PHC2: variants seen among roughly 807,000 people sequenced by gnomAD.
PHC2 encodes polyhomeotic homolog 2, also known as polyhomeotic-like protein 2.
Under a neutral mutation model 87.4 loss-of-function variants are expected in PHC2, and 29 were observed. The ratio of observed to expected loss-of-function variants is 0.33; its 90% confidence interval spans 0.25 to 0.45. The LOEUF (loss-of-function observed/expected upper bound fraction) is 0.45, where lower values mean the gene tolerates loss of function less well. PHC2 is among the 20% of genes least tolerant of loss of function. The probability of loss-of-function intolerance (pLI) is 1.00; values close to 1 mark genes in which losing one functional copy is unlikely to be tolerated. For missense variants in PHC2, 857 were observed against 1,136.7 expected (o/e 0.75, Z 3.54); for synonymous variants, 438 against 461.7 (o/e 0.95, Z 0.66).
chr1:33,411,940 T>C (rs1452676367), intron 1 of PHC2, among the ~76,000 whole-genome samples: 2 of 152,146 alleles, frequency 1.3e-5, no homozygotes, highest in African/African-American at 4.8e-5. Flanking sequence ...CAAACCAGGA[T>C]AGAAGAAAAC....
chr1:33,380,492 A>G (rs1648441946), intron 1 of PHC2, among the ~76,000 whole-genome samples: 1 of 152,234 alleles, frequency 6.6e-6, no homozygotes, highest in African/African-American at 2.4e-5. Context: ...TTCATGTTGT[A>G]GCATGTATGA....
chr1:33,349,619 TGGCCGGGCGG>T lies in PHC2; in HGVS notation c.1558+4772_1558+4781del. On this transcript the variant is annotated intron_variant, in intron 9 of 14. Coordinates refer to ENST00000683057, the MANE Select transcript of PHC2 (RefSeq NM_001385109.1). The surrounding 1 kb of genome is among the most constrained non-coding windows in gnomAD (Gnocchi z 4.2). ...GACCTGTCCAGGGCCCGGCTGGGCC[TGGCCGGGCGG>T]GGCCTACGCAGCCCCTCGGCCGGGC... is the stretch of plus-strand genomic sequence containing the variant. 1.0e-6 allele frequency: 1 copy of T among 983,370 alleles called. No homozygotes were observed. The highest frequency in any genetic ancestry group is 1.8e-5 in the African/African-American group (1 of 57,002). The allele number at this position is 983,370 out of a possible 1,614,324, so 60.9% of individuals were successfully genotyped here.
At chr1:33,384,513 T>G (rs973054138) in intron 1 of PHC2, among the ~76,000 whole-genome samples, 8 of 152,190 alleles carry the variant, frequency 5.3e-5, no homozygotes, top group Non-Finnish European at 1.0e-4. Context: ...CAGCACTCTG[T>G]TTAGGGATCT....
rs191120076 is a variant in PHC2, at chr1:33,368,826, C to T, written c.577-204G>A. On this transcript the variant is annotated intron_variant, in intron 5 of 14. Transcript: ENST00000683057. This position sits in a 1 kb window ranked among gnomAD's most constrained non-coding sequence, Gnocchi z 6.6. The stretch of plus-strand genomic sequence containing the variant: ...AAAGGAAGGGGGAGTCCAAGGGGAG[C>T]GCCTGCCTTTCTCTAGAGGCTCGTT... Among the ~76,000 whole-genome samples, 13 of 152,228 alleles carry T rather than the reference C, an allele frequency of 8.5e-5. No individual in the cohort carries two copies. Among genetic ancestry groups the T allele is most frequent in the African/African-American group, 3.1e-4 (13 of 41,538 alleles).
At chr1:33,360,155 C>T (rs1647167684) in intron 7 of PHC2, among the ~76,000 whole-genome samples, 1 of 152,212 alleles carries the variant, frequency 6.6e-6, no homozygotes, top group African/African-American at 2.4e-5. Context: ...GGAAGTAGAG[C>T]TAAGGGAAGT....
At chr1:33,416,290 A>G (rs1297864248) in intron 1 of PHC2, among the ~76,000 whole-genome samples, 1 of 152,070 alleles carries the variant, frequency 6.6e-6, no homozygotes. Flanking sequence ...ATTTCTGGCC[A>G]GGAGCGGTGG....
At position 33,371,639 on chromosome 1, in the gene PHC2, G is replaced by A. The variant is rs184303985; in HGVS notation, c.334-545C>T. ...TCTCATCCTTCAAGTGTCAGCTCCAGTGTTACTCCAACAGACAGGCTTTTC... is the reference window on the plus strand; with the variant it reads ...TCTCATCCTTCAAGTGTCAGCTCCAATGTTACTCCAACAGACAGGCTTTTC... On this transcript the variant is annotated intron_variant, in intron 3 of 14. Transcript: ENST00000683057. 2.0e-5 allele frequency among the ~76,000 whole-genome samples: 3 copies of A among 152,366 alleles called. No homozygotes were observed. In the East Asian group the frequency reaches 5.8e-4, roughly 29 times the overall value.
intron 5 of PHC2, 53 bp downstream of exon 5, chr1:33,370,368 T>C: frequency 6.4e-7 from 1 of 1,556,614 alleles, no homozygotes; most frequent in South Asian, 1.2e-5. Flanking sequence ...CCAGCTTCTC[T>C]GCCTCTGTCC....
chr1:33,367,462 T>G, intron 6 of PHC2, 34 bp from the exon 7 acceptor site: 1 of 1,498,708 alleles, frequency 6.7e-7, no homozygotes, highest in Non-Finnish European at 9.0e-7. Context: ...GTCCAGAGAA[T>G]GTGGCAGGAG....
intron 1 of PHC2, among the ~76,000 whole-genome samples, chr1:33,425,552 T>C (rs1224213391): frequency 2.0e-5 from 3 of 152,184 alleles, no homozygotes; most frequent in Non-Finnish European, 4.4e-5. Flanking sequence ...GATGCTGAAG[T>C]ACGAAGAAAT....
At chr1:33,365,412 T>G (rs1196423992) in intron 7 of PHC2, among the ~76,000 whole-genome samples, 1 of 152,084 alleles carries the variant, frequency 6.6e-6, no homozygotes, top group Non-Finnish European at 1.5e-5. Flanking sequence ...GGCTTAGATT[T>G]AGAGAGAGGT....
At chr1:33,424,097 C>CAAAAAAAAAAAAACAAAA (rs1650568243) in intron 1 of PHC2, among the ~76,000 whole-genome samples, 1 of 108,736 alleles carries the variant, frequency 9.2e-6, no homozygotes, top group Admixed American at 9.6e-5. Flanking sequence ...GACTCCGTCT[C>CAAAAAAAAAAAAACAAAA]AAAAAAAAAA....
chr1:33,356,273 A>G (rs4653084), intron 7 of PHC2, among the ~76,000 whole-genome samples: 29,619 of 93,914 alleles, frequency 0.32, 3,944 homozygotes, highest in Middle Eastern at 0.4. Context: ...ATATATATAT[A>G]TATGTATATA....
intron 1 of PHC2, among the ~76,000 whole-genome samples, chr1:33,391,742 G>A (rs1433756428): frequency 6.6e-6 from 1 of 152,144 alleles, no homozygotes; most frequent in Non-Finnish European, 1.5e-5. Flanking sequence ...AGGCTGAGCT[G>A]AGGAGACAGA....
At chr1:33,422,523 C>A (rs535831119) in intron 1 of PHC2, among the ~76,000 whole-genome samples, 1 of 152,326 alleles carries the variant, frequency 6.6e-6, no homozygotes, top group African/African-American at 2.4e-5. Context: ...ACCCTTCCAA[C>A]TGAGCTTTGT....
At chr1:33,395,237 G>C (rs1649244736) in intron 1 of PHC2, among the ~76,000 whole-genome samples, 1 of 152,040 alleles carries the variant, frequency 6.6e-6, no homozygotes, top group Non-Finnish European at 1.5e-5. Context: ...GGAGTTCTTA[G>C]AATAAAGTTA....
chr1:33,419,349 T>TA (rs1384784609), intron 1 of PHC2, among the ~76,000 whole-genome samples: 2 of 152,214 alleles, frequency 1.3e-5, no homozygotes, highest in Non-Finnish European at 1.5e-5. Context: ...AGCAGAAACT[T>TA]ATTCTCTCAC....
At chr1:33,417,114 A>T (rs1003209576) in intron 1 of PHC2, among the ~76,000 whole-genome samples, 1 of 152,060 alleles carries the variant, frequency 6.6e-6, no homozygotes, top group Non-Finnish European at 1.5e-5. Context: ...ACAAATACTA[A>T]GAAAAGATAA....
rs137976642 is a variant in PHC2, at chr1:33,367,197, T to G, written c.895A>C (p.Ser299Arg). ...CGGCCTTCCATGCTCCCTGGCACAC[T>G]GCTGTTGCCATCTCCTTTCTTGTGT... ...EPHKKGDGNS[S>R]VPGSMEGRAG... Residue 299 changes from serine (S) to arginine (R), a missense_variant, in exon 7 of 15, where the codon AGT (serine) becomes CGT (arginine). This residue lies in a region of PHC2 where 832 missense variants were observed against 1,081.8 expected (regional missense o/e 0.77). Coordinates refer to ENST00000683057, the MANE Select transcript of PHC2 (RefSeq NM_001385109.1). 2.4e-5 allele frequency: 39 copies of G among 1,614,154 alleles called. No individual in the cohort carries two copies. In the African/African-American group the frequency reaches 5.1e-4, roughly 21 times the overall value.
Sources: gnomAD v4.1 joint callset for allele counts (sites outside exome capture counted in the v4.1 genomes callset) on GRCh38, gnomAD v4.1.1 for gene constraint, gnomAD v4.1.1 regional missense constraint, Gnocchi (gnomAD v3.1) non-coding constraint, MANE v1.5 for transcripts, NCBI Gene and HGNC (gene_info 2026-07-23, HGNC 2026-07-21) for gene names.